Variants in IL1RAPL2 observed in about 807,000 individuals in gnomAD.
The protein encoded by IL1RAPL2 is X-linked interleukin-1 receptor accessory protein-like 2.
IL1RAPL2 carries 3 observed loss-of-function variants against 44.1 expected under a neutral mutation model. That is an observed-to-expected ratio of 0.07 (90% confidence interval 0.03 to 0.18). The LOEUF is 0.18. Among genes scored for constraint, IL1RAPL2 ranks in the 10% least tolerant of loss-of-function variants. The pLI is 1.00. For missense variants in IL1RAPL2, 391 were observed against 496.4 expected (o/e 0.79, Z 2.02); for synonymous variants, 181 against 178.8 (o/e 1.01, Z -0.10).
chrX:105,653,606 C>G (rs775263979), intron 6 of IL1RAPL2, among the ~76,000 whole-genome samples: 2 of 107,287 alleles, frequency 1.9e-5, no homozygotes, highest in East Asian at 5.9e-4. Flanking sequence ...ATGCAGTAGA[C>G]AGTAGTGTTA....
At chrX:105,306,539 A>G (rs1236462612) in intron 5 of IL1RAPL2, among the ~76,000 whole-genome samples, 4 of 111,502 alleles carry the variant, frequency 3.6e-5, no homozygotes, top group African/African-American at 1.3e-4. Flanking sequence ...GGTTTTTGAG[A>G]CTGTGTTCCT....
chrX:105,020,914 C>T (rs751566022), intron 2 of IL1RAPL2, among the ~76,000 whole-genome samples: 29 of 111,787 alleles, frequency 2.6e-4, no homozygotes, highest in African/African-American at 7.8e-4. Context: ...ACTAGGCATA[C>T]GTTTAAAGAT....
At chrX:105,193,453 T>A (rs1414550191) in intron 2 of IL1RAPL2, among the ~76,000 whole-genome samples, 1 of 111,983 alleles carries the variant, frequency 8.9e-6, no homozygotes, top group African/African-American at 3.2e-5. Flanking sequence ...TCAGTTGTTT[T>A]AATGCATGCA....
At chrX:104,800,355 G>C (rs981657035) in intron 2 of IL1RAPL2, among the ~76,000 whole-genome samples, 5 of 110,449 alleles carry the variant, frequency 4.5e-5, no homozygotes, top group Non-Finnish European at 9.5e-5. Context: ...ACCCTATCAT[G>C]CCAGGTATTT....
At chrX:105,274,750 G>GAGGAGAGGAAGAA (rs2034472979) in intron 5 of IL1RAPL2, among the ~76,000 whole-genome samples, 1 of 112,173 alleles carries the variant, frequency 8.9e-6, no homozygotes, top group South Asian at 3.7e-4. Context: ...GAGGAAAGGA[G>GAGGAGAGGAAGAA]AGGAGAGGAA....
intron 2 of IL1RAPL2, among the ~76,000 whole-genome samples, chrX:104,893,866 A>C (rs973279876): frequency 8.9e-6 from 1 of 111,957 alleles, no homozygotes; most frequent in African/African-American, 3.2e-5. Context: ...TAATTGATGC[A>C]GTTTCTTCCT....
At chrX:105,317,264 T>A (rs1467973849) in intron 5 of IL1RAPL2, among the ~76,000 whole-genome samples, 1 of 112,206 alleles carries the variant, frequency 8.9e-6, no homozygotes, top group Non-Finnish European at 1.9e-5. Flanking sequence ...TGAATTCCTC[T>A]ATAAAGTATA....
intron 7 of IL1RAPL2, among the ~76,000 whole-genome samples, chrX:105,726,232 CAT>C (rs889787256): frequency 1.8e-5 from 2 of 111,731 alleles, no homozygotes; most frequent in African/African-American, 6.5e-5. Context: ...CATCTTAAAA[CAT>C]ATTGGATACT....
intron 2 of IL1RAPL2, among the ~76,000 whole-genome samples, chrX:104,787,747 T>C (rs1437333710): frequency 9.0e-6 from 1 of 111,502 alleles, no homozygotes; most frequent in Non-Finnish European, 1.9e-5. Context: ...TAAAATCAAC[T>C]AGAGAGCTTT....
chrX:105,508,676 T>A (rs1258602198), intron 6 of IL1RAPL2, among the ~76,000 whole-genome samples: 62 of 109,777 alleles, frequency 5.6e-4, no homozygotes, highest in Non-Finnish European at 1.3e-4. Flanking sequence ...AGCTTTTTTT[T>A]TTTTCCTGAT....
At position 104,578,911 on chromosome X, in the gene IL1RAPL2, T is replaced by C. The variant is rs745378604; in HGVS notation, c.-20+11860T>C. On this transcript the variant is annotated intron_variant, in intron 1 of 10. Transcript: ENST00000372582. ...TTGGCTCACAACTTAATATTCATAA[T>C]AATGTAAAATTATCACATAGCTATA... 4.1e-3 allele frequency among the ~76,000 whole-genome samples: 461 copies of C among 111,746 alleles called. 2 individuals are homozygous for C. Among genetic ancestry groups the C allele is most frequent in the Non-Finnish European group, 6.7e-3 (354 of 53,158 alleles).
At chrX:105,253,178 T>G (rs1384643558) in intron 4 of IL1RAPL2, among the ~76,000 whole-genome samples, 1 of 111,858 alleles carries the variant, frequency 8.9e-6, no homozygotes, top group African/African-American at 3.2e-5. Flanking sequence ...GTTCTAGTAT[T>G]CCCATTATGC....
intron 2 of IL1RAPL2, among the ~76,000 whole-genome samples, chrX:104,667,621 C>CA (rs1930509295): frequency 9.0e-6 from 1 of 111,240 alleles, no homozygotes; most frequent in African/African-American, 3.3e-5. Flanking sequence ...ATTTGTCTGA[C>CA]CCCAGAGTCC....
chrX:105,597,999 T>C (rs762034404), intron 6 of IL1RAPL2, among the ~76,000 whole-genome samples: 1 of 111,328 alleles, frequency 9.0e-6, no homozygotes, highest in Non-Finnish European at 1.9e-5. Context: ...TAAACATACA[T>C]GTACCCCCAT....
At chrX:105,364,135 C>T (rs1041287078) in intron 5 of IL1RAPL2, among the ~76,000 whole-genome samples, 1 of 111,146 alleles carries the variant, frequency 9.0e-6, no homozygotes, top group African/African-American at 3.3e-5. Context: ...GTTCTTCTAC[C>T]TGTGGCTATT....
chrX:104,637,836 GT>G (rs1204556222), intron 1 of IL1RAPL2, among the ~76,000 whole-genome samples: 1 of 109,707 alleles, frequency 9.1e-6, no homozygotes, highest in African/African-American at 3.3e-5. Flanking sequence ...GTGTGTCTGT[GT>G]GTGTGATTAT....
intron 4 of IL1RAPL2, among the ~76,000 whole-genome samples, chrX:105,259,198 G>A (rs1408093518): frequency 9.0e-6 from 1 of 111,716 alleles, no homozygotes; most frequent in African/African-American, 3.3e-5. Flanking sequence ...TGTTAATGAA[G>A]TATTTTTAAT....
At chrX:105,588,205 T>C (rs2037143035) in intron 6 of IL1RAPL2, among the ~76,000 whole-genome samples, 1 of 110,915 alleles carries the variant, frequency 9.0e-6, no homozygotes, top group South Asian at 3.8e-4. Context: ...TGTTGTAGTA[T>C]TGTACTATAG....
At chrX:104,847,147 T>G (rs1354160731) in intron 2 of IL1RAPL2, among the ~76,000 whole-genome samples, 1 of 112,132 alleles carries the variant, frequency 8.9e-6, no homozygotes, top group Non-Finnish European at 1.9e-5. Flanking sequence ...GTAGGTTGCC[T>G]GTTCACTCTG....
Sources: gnomAD v4.1 joint callset for allele counts (sites outside exome capture counted in the v4.1 genomes callset) on GRCh38, gnomAD v4.1.1 for gene constraint, MANE v1.5 for transcripts, NCBI Gene and HGNC (gene_info 2026-07-23, HGNC 2026-07-21) for gene names.